Variants in DOCK4 observed in about 807,000 individuals in gnomAD.
DOCK4 encodes dedicator of cytokinesis 4.
In DOCK4, 97 loss-of-function variants were observed where a neutral mutation model predicts 268.1. The ratio of observed to expected loss-of-function variants is 0.36; its 90% confidence interval spans 0.31 to 0.43. DOCK4 has a LOEUF of 0.43. DOCK4 is among the 20% of genes least tolerant of loss of function. The probability of loss-of-function intolerance (pLI) is 1.00; values close to 1 mark genes in which losing one functional copy is unlikely to be tolerated. For synonymous variants in DOCK4, 954 were observed against 887.2 expected, an observed-to-expected ratio of 1.08 and a Z score of -1.34; for missense variants, 2,145 against 2,455.7, an observed-to-expected ratio of 0.87 and a Z score of 2.67.
chr7:112,159,846 T>C (rs1249251880), intron 1 of DOCK4, among the ~76,000 whole-genome samples: 1 of 148,688 alleles, frequency 6.7e-6, no homozygotes, highest in Admixed American at 6.8e-5. Flanking sequence ...ATATACATAA[T>C]ATATATACAT....
intron 42 of DOCK4, 74 bp from the exon 43 acceptor site, chr7:111,747,517 G>T: frequency 7.1e-7 from 1 of 1,408,032 alleles, no homozygotes; most frequent in Non-Finnish European, 9.5e-7. Context: ...GTTTATCCAT[G>T]TTCTGAATTA....
At chr7:111,785,825 C>A (rs555235666) in intron 32 of DOCK4, among the ~76,000 whole-genome samples, 10 of 152,272 alleles carry the variant, frequency 6.6e-5, no homozygotes, top group Admixed American at 3.9e-4. Context: ...TTTCTCATTG[C>A]TAATTGATAA....
intron 1 of DOCK4, among the ~76,000 whole-genome samples, chr7:112,063,320 G>C (rs73210921): frequency 0.24 from 35,937 of 152,076 alleles, 5,520 homozygotes; most frequent in Non-Finnish European, 0.35. Flanking sequence ...ATATAATACA[G>C]ATGCTCCTCA....
Position 111,989,069 on chromosome 7 carries a change from T to C in DOCK4, c.410A>G (p.Asp137Gly). ...GTGGCGCTTCACGTCCTTCATCCGG[T>C]CGTGGGTGAGGTGGCCCACCAGCAC... ...RQVLVGHLTH[D>G]RMKDVKRHIT... Residue 137 changes from aspartate (D) to glycine (G), a missense_variant, in exon 6 of 53, where the codon GAC becomes GGC. Around this residue, in one of 2 missense-constraint regions of DOCK4, gnomAD observed 1,598 missense variants for 1,986.7 expected, o/e 0.80. Coordinates refer to ENST00000428084, the MANE Select transcript of DOCK4 (RefSeq NM_001363540.2). The C allele has an allele frequency of 6.2e-7, 1 of 1,613,916 alleles. No homozygotes were observed. The highest frequency in any genetic ancestry group is 8.5e-7 in the Non-Finnish European group (1 of 1,179,838).
chr7:111,980,881 T>C lies in DOCK4; in HGVS notation c.549+3425A>G, dbSNP rs1040910172. ...AAAGATAGAAACCTGCAGGCACAAATAGGAGAGAAGCTGGCTAATAAGGCT... is the reference window on the plus strand; with the variant it reads ...AAAGATAGAAACCTGCAGGCACAAACAGGAGAGAAGCTGGCTAATAAGGCT... On this transcript the variant is annotated intron_variant, in intron 7 of 52. Transcript: ENST00000428084. Among the ~76,000 whole-genome samples, 8 of 152,186 alleles carry C rather than the reference T, an allele frequency of 5.3e-5. No homozygotes were observed. The East Asian group carries it at 7.7e-4, about 15-fold the overall frequency.
intron 23 of DOCK4, among the ~76,000 whole-genome samples, chr7:111,848,381 G>C (rs1434664840): frequency 1.3e-5 from 2 of 152,174 alleles, no homozygotes; most frequent in Admixed American, 6.5e-5. Flanking sequence ...CCCACGCTTG[G>C]TGAAAGCGAT....
At chr7:112,079,385 T>C (rs1471736731) in intron 1 of DOCK4, among the ~76,000 whole-genome samples, 3 of 152,120 alleles carry the variant, frequency 2.0e-5, no homozygotes, top group African/African-American at 7.2e-5. Context: ...ATTCAAAAAC[T>C]AGAACGAAAC....
At chr7:111,996,764 T>C (rs1323785639) in intron 4 of DOCK4, among the ~76,000 whole-genome samples, 3 of 152,166 alleles carry the variant, frequency 2.0e-5, no homozygotes, top group Non-Finnish European at 4.4e-5. Flanking sequence ...CTGGGGCTCA[T>C]GGAAGGGGAT....
chr7:112,066,701 A>G (rs1196132000), intron 1 of DOCK4, among the ~76,000 whole-genome samples: 456 of 39,270 alleles, frequency 0.012, 9 homozygotes, highest in African/African-American at 0.035. Context: ...ATATATATAT[A>G]TATATATATA....
chr7:112,135,964 C>G (rs1206355311), intron 1 of DOCK4, among the ~76,000 whole-genome samples: 38 of 152,172 alleles, frequency 2.5e-4, no homozygotes, highest in South Asian at 2.1e-4. Flanking sequence ...AAATCTTCAG[C>G]CAAGCTGAGA....
chr7:111,921,230 C>G (rs1219835069), intron 12 of DOCK4, among the ~76,000 whole-genome samples: 2 of 152,096 alleles, frequency 1.3e-5, no homozygotes, highest in African/African-American at 4.8e-5. Context: ...AAGGCATAGT[C>G]ATTAATCTGG....
chr7:112,165,093 T>A (rs1297114166), intron 1 of DOCK4, among the ~76,000 whole-genome samples: 1 of 152,168 alleles, frequency 6.6e-6, no homozygotes, highest in Non-Finnish European at 1.5e-5. Flanking sequence ...TCTTTAAAAA[T>A]TATTTTTATG....
chr7:112,170,166 A>C (rs1355912296), intron 1 of DOCK4, among the ~76,000 whole-genome samples: 1 of 152,188 alleles, frequency 6.6e-6, no homozygotes, highest in Non-Finnish European at 1.5e-5. Flanking sequence ...TTGAAAGAGC[A>C]TATGTGGTCG....
intron 1 of DOCK4, among the ~76,000 whole-genome samples, chr7:112,178,492 G>A (rs928842977): frequency 1.3e-5 from 2 of 152,008 alleles, no homozygotes; most frequent in East Asian, 1.9e-4. Flanking sequence ...CCTTTGTCTC[G>A]GCTTCCCATC....
At chr7:111,797,915 T>C (rs1195915383) in intron 30 of DOCK4, among the ~76,000 whole-genome samples, 1 of 152,098 alleles carries the variant, frequency 6.6e-6, no homozygotes, top group East Asian at 1.9e-4. Context: ...AAAAGGAAAC[T>C]ACAAAAGCAA....
chr7:112,081,334 A>G (rs1808563587), intron 1 of DOCK4, among the ~76,000 whole-genome samples: 1 of 152,146 alleles, frequency 6.6e-6, no homozygotes, highest in African/African-American at 2.4e-5. Context: ...AAGACAATCC[A>G]TGTGAAGATA....
chr7:111,994,071 T>C, intron 5 of DOCK4, 64 bp downstream of exon 5: 1 of 1,075,512 alleles, frequency 9.3e-7, no homozygotes, highest in Non-Finnish European at 1.4e-6. Context: ...TGCTTACTCA[T>C]GTTCATGTAT....
chr7:112,157,333 T>C (rs1216526306), intron 1 of DOCK4, among the ~76,000 whole-genome samples: 1 of 152,124 alleles, frequency 6.6e-6, no homozygotes, highest in Non-Finnish European at 1.5e-5. Context: ...GGAGACGTCA[T>C]TTTCCCCTTC....
chr7:112,004,272 T>C (rs1472688896), intron 1 of DOCK4, 141 bp from the exon 2 acceptor site: 1 of 619,862 alleles, frequency 1.6e-6, no homozygotes, highest in Non-Finnish European at 2.7e-6. Context: ...TAATTTTATA[T>C]CTTTCTAAGA....
Sources: allele counts gnomAD v4.1 joint callset (sites outside exome capture counted in the v4.1 genomes callset), GRCh38; gene constraint gnomAD v4.1.1; regional missense constraint gnomAD v4.1.1; transcripts MANE v1.5; gene names NCBI Gene and HGNC (gene_info 2026-07-23, HGNC 2026-07-21).